Variants in PHF3 observed in about 807,000 individuals in gnomAD.
The protein encoded by PHF3 is PHD finger protein 3.
A neutral mutation model predicts 178.4 loss-of-function variants in PHF3; 41 were observed. The ratio of observed to expected loss-of-function variants is 0.23; its 90% CI spans 0.18 to 0.30. The LOEUF is 0.30. PHF3 is among the 10% of genes least tolerant of loss of function. The probability of loss-of-function intolerance (pLI) is 1.00; values close to 1 mark genes in which losing one functional copy is unlikely to be tolerated. For synonymous variants in PHF3, 842 were observed against 800.5 expected (o/e 1.05, Z -0.88); for missense variants, 2,346 against 2,398.1 (o/e 0.98, Z 0.45).
In PHF3 at chr6:63,711,787, A is replaced by T; in HGVS notation, c.4199A>T (p.Asn1400Ile). The T allele has an allele frequency of 6.2e-7, 1 of 1,612,954 alleles. No homozygotes were observed. The highest frequency in any genetic ancestry group is 2.2e-5 in the East Asian group (1 of 44,874). Residue 1400 changes from asparagine (N) to isoleucine (I), a missense_variant, in exon 16 of 16, where the codon AAT (asparagine) becomes ATT (isoleucine). Asn to Ile is a moderately radical substitution (Grantham distance 149). This residue lies in a region of PHF3 where 839 missense variants were observed against 806.9 expected (regional missense o/e 1.04). Transcript: ENST00000262043. ...CCAGAGGAAGAAAATGACTTTTTTAATTCTTTTACAACTGTATTACACAAG... is the reference window on the plus strand; with the variant it reads ...CCAGAGGAAGAAAATGACTTTTTTATTTCTTTTACAACTGTATTACACAAG... ...EAPEEENDFF[N>I]SFTTVLHKQR...
At chr6:63,690,493 G>A (rs1490003813) in intron 4 of PHF3, among the ~76,000 whole-genome samples, 1 of 152,100 alleles carries the variant, frequency 6.6e-6, no homozygotes, top group Non-Finnish European at 1.5e-5. Context: ...AGTTTTTACA[G>A]TTTTAACATT....
rs758797993 is a variant in PHF3, at chr6:63,680,098, A to C, written c.343A>C (p.Arg115=). 2 of 1,612,744 alleles carry C rather than the reference A, an allele frequency of 1.2e-6. No individual in the cohort carries two copies. Among genetic ancestry groups the C allele is most frequent in the African/African-American group, 2.7e-5 (2 of 74,878 alleles). Residue 115 remains arginine, a synonymous_variant, in exon 3 of 16, where the codon AGG becomes CGG. Transcript: ENST00000262043. ...ACTGATTTTACCTAACAGGAACTTA[A>C]GGGACAAGGTAGAAGAAAATTCAGT... ...EELILPNRNL[R]DKVEENSVRS... is the part of the protein sequence containing the mutation.
At chr6:63,640,538 A>G (rs1168559677) in intron 1 of PHF3, among the ~76,000 whole-genome samples, 2 of 152,216 alleles carry the variant, frequency 1.3e-5, no homozygotes, top group African/African-American at 4.8e-5. Context: ...GTAAATATCC[A>G]GTGAGTTTAA....
chr6:63,702,380 C>T, intron 9 of PHF3, 128 bp from the exon 10 acceptor site: 1 of 561,352 alleles, frequency 1.8e-6, no homozygotes, highest in Non-Finnish European at 3.0e-6. Context: ...TTATATGAGA[C>T]ATTACCTTAA....
In PHF3 at chr6:63,711,956, T is replaced by C. The variant is rs1219212740; in HGVS notation, c.4368T>C (p.Thr1456=). Residue 1456 remains threonine, a synonymous_variant, in exon 16 of 16, where the codon ACT becomes ACC. Coordinates refer to ENST00000262043, the MANE Select transcript of PHF3 (RefSeq NM_001370348.2). Reference sequence around the variant, plus strand: ...TTGGCTGGGAGAATCAACCTACTACTCTGGAATTAGCAAATAAACCTCTTC... The same window carrying C: ...TTGGCTGGGAGAATCAACCTACTACCCTGGAATTAGCAAATAAACCTCTTC... ...VLIGWENQPT[T]LELANKPLPV... is the part of the protein sequence containing the mutation. 1.9e-6 allele frequency: 3 copies of C among 1,613,774 alleles called. No homozygotes were observed. Among genetic ancestry groups the C allele is most frequent in the Admixed American group, 1.7e-5 (1 of 59,954 alleles).
intron 2 of PHF3, among the ~76,000 whole-genome samples, chr6:63,671,283 C>T (rs1326993745): frequency 6.6e-6 from 1 of 152,096 alleles, no homozygotes; most frequent in East Asian, 1.9e-4. Flanking sequence ...TATCATATGC[C>T]AGACTGTTTC....
At chr6:63,676,662 C>A (rs1582055801) in intron 2 of PHF3, among the ~76,000 whole-genome samples, 1 of 152,038 alleles carries the variant, frequency 6.6e-6, no homozygotes, top group African/African-American at 2.4e-5. Flanking sequence ...GTTATAGGAC[C>A]CTGTGGGCCC....
intron 2 of PHF3, chr6:63,679,556 A>C: frequency 5.3e-6 from 1 of 190,378 alleles, no homozygotes; most frequent in Non-Finnish European, 1.1e-5. Context: ...ATGTAGCATA[A>C]AGTCTGTAGT....
intron 4 of PHF3, among the ~76,000 whole-genome samples, chr6:63,687,279 C>G (rs1294875232): frequency 6.6e-6 from 1 of 152,100 alleles, no homozygotes; most frequent in African/African-American, 2.4e-5. Flanking sequence ...CAAAAGTTAG[C>G]TGGGTGTGCT....
intron 2 of PHF3, among the ~76,000 whole-genome samples, chr6:63,654,904 T>C (rs1288783052): frequency 6.7e-6 from 1 of 148,806 alleles, no homozygotes; most frequent in Non-Finnish European, 1.5e-5. Flanking sequence ...TTTTTTTTTT[T>C]TTTTTCGAGA....
Position 63,685,379 on chromosome 6 carries a change from G to A in PHF3, c.1657G>A (p.Asp553Asn). 7 of 1,613,920 alleles carry A rather than the reference G, an allele frequency of 4.3e-6. No individual in the cohort carries two copies. Among genetic ancestry groups the A allele is most frequent in the Non-Finnish European group, 5.9e-6 (7 of 1,179,972 alleles). Reference sequence around the variant, plus strand: ...AGTCAAAGTCAGAAAAAAACAAATTGATAAGGAGCCAAAGATTCAGAGTTG... The same window carrying A: ...AGTCAAAGTCAGAAAAAAACAAATTAATAAGGAGCCAAAGATTCAGAGTTG... ...RPVKVRKKQI[D>N]KEPKIQSCNS... The change falls in exon 4 of 16, where the codon GAT (aspartate) becomes AAT (asparagine). Residue 553 changes from aspartate (D) to asparagine (N), a missense_variant. Physicochemically the swap from Asp to Asn is conservative, Grantham distance 23. Coordinates refer to ENST00000262043, the MANE Select transcript of PHF3 (RefSeq NM_001370348.2).
At chr6:63,683,063 T>A (rs1766509088) in intron 3 of PHF3, among the ~76,000 whole-genome samples, 1 of 152,114 alleles carries the variant, frequency 6.6e-6, no homozygotes, top group African/African-American at 2.4e-5. Context: ...AAGTAATTTT[T>A]AAAAGTTATT....
chr6:63,650,214 C>T (rs971269460), intron 2 of PHF3, among the ~76,000 whole-genome samples: 2 of 152,206 alleles, frequency 1.3e-5, no homozygotes, highest in African/African-American at 4.8e-5. Flanking sequence ...TTATCTGCTA[C>T]TGTAGGTTAC....
chr6:63,674,072 A>C (rs997313870), intron 2 of PHF3, among the ~76,000 whole-genome samples: 5 of 152,012 alleles, frequency 3.3e-5, no homozygotes, highest in Non-Finnish European at 1.5e-5. Context: ...GGAAATTTTA[A>C]ATTTGACTTA....
chr6:63,705,531 A>G (rs1224924361), intron 11 of PHF3, among the ~76,000 whole-genome samples: 1 of 152,206 alleles, frequency 6.6e-6, no homozygotes, highest in Admixed American at 6.5e-5. Flanking sequence ...ATGAGAATCT[A>G]ACTATTAATG....
At chr6:63,709,363 T>C in intron 14 of PHF3, 123 bp downstream of exon 14, 1 of 687,192 alleles carries the variant, frequency 1.5e-6, no homozygotes. Context: ...TTTAAGTCTA[T>C]GTAATATACC....
Position 63,721,071 on chromosome 6 carries a change from C to G in PHF3, c.*7363C>G. 1 of 1,551,266 alleles carries G rather than the reference C, an allele frequency of 6.4e-7. No individual in the cohort carries two copies. The highest frequency in any genetic ancestry group is 8.7e-7 in the Non-Finnish European group (1 of 1,146,784). On this transcript the variant is annotated 3_prime_UTR_variant, in exon 16 of 16. Transcript: ENST00000262043. Reference sequence around the variant, plus strand: ...AATTAGACCTTCTGTTTTAGTGGTACTGAAATTTAAGGATATAGTAGTGAA... The same window carrying G: ...AATTAGACCTTCTGTTTTAGTGGTAGTGAAATTTAAGGATATAGTAGTGAA...
chr6:63,704,558 T>C (rs1022159766), intron 11 of PHF3, among the ~76,000 whole-genome samples: 6 of 151,678 alleles, frequency 4.0e-5, no homozygotes, highest in African/African-American at 1.5e-4. Flanking sequence ...AAGCTTCCCC[T>C]ATGTCTTTTC....
At chr6:63,699,877 C>T (rs1039405347) in intron 8 of PHF3, among the ~76,000 whole-genome samples, 1 of 152,162 alleles carries the variant, frequency 6.6e-6, no homozygotes, top group Non-Finnish European at 1.5e-5. Context: ...GCGTGAGCTG[C>T]GGCACCCGGC....
Sources: allele counts gnomAD v4.1 joint callset (sites outside exome capture counted in the v4.1 genomes callset), GRCh38; gene constraint gnomAD v4.1.1; regional missense constraint gnomAD v4.1.1; transcripts MANE v1.5; gene names NCBI Gene and HGNC (gene_info 2026-07-23, HGNC 2026-07-21).